MCTP1: variants seen among roughly 807,000 people sequenced by gnomAD.
The protein encoded by MCTP1 is multiple C2 and transmembrane domain containing 1, also known as multiple C2 and transmembrane domain-containing protein 1.
MCTP1 carries 69 observed loss-of-function variants against 120.6 expected under a neutral mutation model. The ratio of observed to expected loss-of-function variants is 0.57; its 90% confidence interval spans 0.47 to 0.70. The LOEUF is 0.70. MCTP1 is among the 30% of genes least tolerant of loss of function. The pLI, the probability that MCTP1 is intolerant of heterozygous loss-of-function variation, is 0.00. For synonymous variants in MCTP1, 529 were observed against 493.1 expected, an observed-to-expected ratio of 1.07 and a Z score of -0.96; for missense variants, 1,203 against 1,248.8, an observed-to-expected ratio of 0.96 and a Z score of 0.55.
At chr5:94,816,868 G>T (rs1195899134) in intron 17 of MCTP1, among the ~76,000 whole-genome samples, 1 of 151,944 alleles carries the variant, frequency 6.6e-6, no homozygotes. Context: ...ATACTTAAGG[G>T]TATTATTTTA....
At chr5:95,139,266 T>C (rs1197112825) in intron 1 of MCTP1, among the ~76,000 whole-genome samples, 1 of 152,238 alleles carries the variant, frequency 6.6e-6, no homozygotes, top group Non-Finnish European at 1.5e-5. Flanking sequence ...CTGAATTATA[T>C]TATTCTTAAT....
chr5:95,159,173 T>C (rs1208536407), intron 1 of MCTP1, among the ~76,000 whole-genome samples: 1 of 152,222 alleles, frequency 6.6e-6, no homozygotes, highest in Non-Finnish European at 1.5e-5. Context: ...TAAGACTGTG[T>C]CTACTAACTT....
chr5:94,867,369 G>A (rs1797021159), intron 17 of MCTP1: 3 of 1,530,318 alleles, frequency 2.0e-6, no homozygotes. Context: ...ATTAATGAAA[G>A]TCCCATACAA....
At chr5:95,200,841 T>C (rs1182390049) in intron 1 of MCTP1, among the ~76,000 whole-genome samples, 2 of 152,236 alleles carry the variant, frequency 1.3e-5, no homozygotes, top group East Asian at 1.9e-4. Flanking sequence ...GTAATGCATA[T>C]GTTAATTAGC....
chr5:94,824,822 C>T (rs1190072187), intron 17 of MCTP1, among the ~76,000 whole-genome samples: 6 of 152,086 alleles, frequency 3.9e-5, no homozygotes, highest in Non-Finnish European at 5.9e-5. Flanking sequence ...AGTTTATTTG[C>T]GTAGAGGTGT....
chr5:94,950,828 C>T (rs1310716701), intron 3 of MCTP1, among the ~76,000 whole-genome samples: 2 of 151,868 alleles, frequency 1.3e-5, no homozygotes, highest in Non-Finnish European at 2.9e-5. Flanking sequence ...GTGGTGGGCA[C>T]CTGCAGTCCC....
At position 95,262,135 on chromosome 5, in the gene MCTP1, T is replaced by C. The variant is rs368120783; in HGVS notation, c.720+21721A>G. 9.8e-5 allele frequency among the ~76,000 whole-genome samples: 15 copies of C among 152,302 alleles called. No homozygotes were observed. The East Asian group carries it at 2.5e-3, about 25-fold the overall frequency. ...AGAGTATGGGCCCATCTCGAGATGA[T>C]GGGATCTGGGCAGAGACAGGTCAGC... On this transcript the variant is annotated intron_variant, in intron 1 of 22. Transcript: ENST00000515393.
chr5:95,099,073 A>G (rs1756505053), intron 1 of MCTP1, among the ~76,000 whole-genome samples: 1 of 150,456 alleles, frequency 6.6e-6, no homozygotes, highest in South Asian at 2.1e-4. Context: ...AGCCATATGT[A>G]GAAAGCTGAA....
chr5:94,740,451 A>T (rs960277469), intron 19 of MCTP1, among the ~76,000 whole-genome samples: 3 of 152,166 alleles, frequency 2.0e-5, no homozygotes, highest in Admixed American at 6.5e-5. Context: ...TAAGCCACTG[A>T]ATGGGGGAAA....
intron 18 of MCTP1, among the ~76,000 whole-genome samples, chr5:94,779,638 C>T (rs1476433674): frequency 1.3e-5 from 2 of 152,138 alleles, no homozygotes; most frequent in African/African-American, 4.8e-5. Context: ...AAACTAACAA[C>T]ATATTTTATG....
intron 2 of MCTP1, among the ~76,000 whole-genome samples, chr5:95,009,608 T>C (rs1835512437): frequency 6.6e-6 from 1 of 151,444 alleles, no homozygotes; most frequent in Non-Finnish European, 1.5e-5. Context: ...ATATAAAAGA[T>C]AATACATTAT....
chr5:94,946,956 T>A (rs995911364), intron 3 of MCTP1, among the ~76,000 whole-genome samples: 1 of 152,230 alleles, frequency 6.6e-6, no homozygotes, highest in Non-Finnish European at 1.5e-5. Flanking sequence ...CTGAGTAGTA[T>A]GTCTGTATCC....
intron 15 of MCTP1, 117 bp downstream of exon 15, chr5:94,870,755 G>A: frequency 1.3e-6 from 1 of 790,718 alleles, no homozygotes; most frequent in East Asian, 2.5e-5. Flanking sequence ...TATTCTCCAG[G>A]ACACATGAAG....
At chr5:95,069,700 C>CTT (rs35136173) in intron 1 of MCTP1, among the ~76,000 whole-genome samples, 5,016 of 138,186 alleles carry the variant, frequency 0.036, 126 homozygotes, top group Middle Eastern at 0.084. Context: ...CCCTTCTGCC[C>CTT]TTTTTTTTTT....
chr5:95,025,209 T>C (rs115148661), intron 1 of MCTP1, among the ~76,000 whole-genome samples: 394 of 152,100 alleles, frequency 2.6e-3, no homozygotes, highest in African/African-American at 8.9e-3. Flanking sequence ...GGTACTGACA[T>C]AAAAATAGAC....
At chr5:95,209,378 G>T (rs1752056437) in intron 1 of MCTP1, among the ~76,000 whole-genome samples, 1 of 151,944 alleles carries the variant, frequency 6.6e-6, no homozygotes, top group African/African-American at 2.4e-5. Context: ...ATTTCCCTTT[G>T]CCTGGCCCCT....
chr5:95,283,435 T>A (rs1760480199), intron 1 of MCTP1, among the ~76,000 whole-genome samples: 1 of 152,214 alleles, frequency 6.6e-6, no homozygotes, highest in Non-Finnish European at 1.5e-5. Flanking sequence ...CGTTTCTATT[T>A]CTTCCCGCCA....
At chr5:95,196,210 T>C (rs565048479) in intron 1 of MCTP1, among the ~76,000 whole-genome samples, 1 of 152,340 alleles carries the variant, frequency 6.6e-6, no homozygotes, top group South Asian at 2.1e-4. Context: ...ATACGGCTTA[T>C]ACTAGAGAAA....
intron 1 of MCTP1, among the ~76,000 whole-genome samples, chr5:95,076,852 A>G (rs1201525398): frequency 6.6e-6 from 1 of 152,106 alleles, no homozygotes; most frequent in Non-Finnish European, 1.5e-5. Flanking sequence ...CCAAATGTGT[A>G]ATTACCCCAG....
Sources: allele counts gnomAD v4.1 joint callset (sites outside exome capture counted in the v4.1 genomes callset), GRCh38; gene constraint gnomAD v4.1.1; transcripts MANE v1.5; gene names NCBI Gene and HGNC (gene_info 2026-07-23, HGNC 2026-07-21).